The following BMPER variants were observed in gnomAD, a reference collection of about 807,000 sequenced individuals.
BMPER encodes the protein BMP-binding endothelial regulator protein.
Under a neutral mutation model 87.3 loss-of-function variants are expected in BMPER, and 45 were observed. That is an observed-to-expected ratio of 0.52 (90% CI 0.41 to 0.66). The LOEUF (loss-of-function observed/expected upper bound fraction) is 0.66, where lower values mean the gene tolerates loss of function less well. Ranked by LOEUF, BMPER falls within the 30% of genes least tolerant of loss-of-function variation. BMPER has a pLI of 0.00. For synonymous variants in BMPER, 326 were observed against 316.2 expected, an observed-to-expected ratio of 1.03 and a Z score of -0.33; for missense variants, 784 against 867.5, an observed-to-expected ratio of 0.90 and a Z score of 1.21.
intron 13 of BMPER, among the ~76,000 whole-genome samples, chr7:34,129,515 C>T (rs540222962): frequency 5.7e-5 from 8 of 140,728 alleles, no homozygotes; most frequent in African/African-American, 8.1e-5. Flanking sequence ...ACAGCTTAGG[C>T]GACAGAGCGA....
At chr7:34,078,278 T>C (rs146871022) in intron 11 of BMPER, among the ~76,000 whole-genome samples, 2 of 152,338 alleles carry the variant, frequency 1.3e-5, no homozygotes, top group African/African-American at 4.8e-5. Flanking sequence ...TATCTGTAAA[T>C]ATTATTAGCA....
At chr7:33,989,672 G>A (rs62449719) in intron 6 of BMPER, among the ~76,000 whole-genome samples, 14 of 151,998 alleles carry the variant, frequency 9.2e-5, no homozygotes, top group Admixed American at 3.9e-4. Flanking sequence ...TTGGTGTTTT[G>A]GACATGAAGT....
intron 2 of BMPER, among the ~76,000 whole-genome samples, chr7:33,912,982 C>T (rs1783998251): frequency 6.6e-6 from 1 of 152,142 alleles, no homozygotes; most frequent in Non-Finnish European, 1.5e-5. Context: ...TGGCTGGGGA[C>T]CTTTGAGGAG....
chr7:34,131,543 G>A (rs1238914700), intron 13 of BMPER, among the ~76,000 whole-genome samples: 2 of 152,194 alleles, frequency 1.3e-5, no homozygotes, highest in Non-Finnish European at 2.9e-5. Flanking sequence ...ACTGCCTAAT[G>A]TGAAAAAGGC....
At chr7:34,050,267 G>A (rs1412180127) in intron 7 of BMPER, among the ~76,000 whole-genome samples, 1 of 152,178 alleles carries the variant, frequency 6.6e-6, no homozygotes, top group African/African-American at 2.4e-5. Context: ...TAGAGGTAGT[G>A]ACATGGCAAT....
chr7:34,153,052 C>A, intron 14 of BMPER, 40 bp from the exon 15 acceptor site: 1 of 1,611,992 alleles, frequency 6.2e-7, no homozygotes, highest in South Asian at 1.1e-5. Flanking sequence ...TTAATGGGGC[C>A]TTTCTCCATG....
chr7:34,044,612 A>G (rs1330340596), intron 6 of BMPER, among the ~76,000 whole-genome samples: 1 of 152,164 alleles, frequency 6.6e-6, no homozygotes, highest in Non-Finnish European at 1.5e-5. Context: ...TCTAACTTTA[A>G]TATTATGCAG....
At chr7:34,044,563 C>T (rs577841962) in intron 6 of BMPER, among the ~76,000 whole-genome samples, 6 of 152,190 alleles carry the variant, frequency 3.9e-5, no homozygotes, top group Middle Eastern at 3.4e-3. Context: ...GGCCTGGCCA[C>T]GATTCAGGTT....
intron 6 of BMPER, among the ~76,000 whole-genome samples, chr7:34,038,467 A>C (rs1436002051): frequency 6.6e-6 from 1 of 152,216 alleles, no homozygotes; most frequent in Non-Finnish European, 1.5e-5. Context: ...CTGATTCCAG[A>C]CTTCTGACTG....
intron 3 of BMPER, among the ~76,000 whole-genome samples, chr7:33,962,381 T>TG (rs1785294165): frequency 6.6e-6 from 1 of 152,230 alleles, no homozygotes; most frequent in East Asian, 1.9e-4. Flanking sequence ...CATTGTTGTA[T>TG]TATTTTAGAT....
At chr7:33,925,321 G>A (rs1011678588) in intron 2 of BMPER, among the ~76,000 whole-genome samples, 1 of 152,186 alleles carries the variant, frequency 6.6e-6, no homozygotes, top group African/African-American at 2.4e-5. Context: ...TTTCGGTCAT[G>A]ATGACTTGCC....
chr7:34,132,668 C>T (rs148637445), intron 13 of BMPER, among the ~76,000 whole-genome samples: 14 of 152,292 alleles, frequency 9.2e-5, no homozygotes, highest in Middle Eastern at 3.4e-3. Context: ...ATCCCTCTCT[C>T]ATTTCTGGGC....
chr7:34,011,655 C>G (rs1786885465), intron 6 of BMPER, among the ~76,000 whole-genome samples: 3 of 149,778 alleles, frequency 2.0e-5, no homozygotes, highest in Admixed American at 2.0e-4. Flanking sequence ...TACACTGTAC[C>G]TTGAAATTCT....
intron 5 of BMPER, among the ~76,000 whole-genome samples, chr7:33,971,888 G>A (rs185962734): frequency 9.7e-4 from 147 of 152,154 alleles, no homozygotes; most frequent in African/African-American, 3.3e-3. Flanking sequence ...TGAGTAGACT[G>A]TTGCTTTGTT....
At chr7:34,134,929 T>A (rs1352750651) in intron 13 of BMPER, among the ~76,000 whole-genome samples, 1 of 152,156 alleles carries the variant, frequency 6.6e-6, no homozygotes, top group East Asian at 1.9e-4. Context: ...AGGAGGTCTC[T>A]GTGTCCACAG....
At chr7:34,099,649 A>T (rs1789624587) in intron 13 of BMPER, among the ~76,000 whole-genome samples, 1 of 152,188 alleles carries the variant, frequency 6.6e-6, no homozygotes, top group South Asian at 2.1e-4. Context: ...AATTCTTAAG[A>T]TAATACACAT....
At chr7:33,940,828 T>C (rs1158357616) in intron 3 of BMPER, among the ~76,000 whole-genome samples, 1 of 144,586 alleles carries the variant, frequency 6.9e-6, no homozygotes, top group East Asian at 2.0e-4. Context: ...AATTTATATA[T>C]ATTACATATA....
At chr7:34,042,358 T>G (rs1787854454) in intron 6 of BMPER, among the ~76,000 whole-genome samples, 1 of 152,180 alleles carries the variant, frequency 6.6e-6, no homozygotes, top group African/African-American at 2.4e-5. Flanking sequence ...CTAGCATTTC[T>G]TTTCTTGCTG....
chr7:33,980,098 G>A (rs1007068301), intron 6 of BMPER, among the ~76,000 whole-genome samples: 1 of 152,140 alleles, frequency 6.6e-6, no homozygotes, highest in African/African-American at 2.4e-5. Context: ...CAGACCTAAC[G>A]TTTTTAGGTG....
Sources: gnomAD v4.1 joint callset for allele counts (sites outside exome capture counted in the v4.1 genomes callset) on GRCh38, gnomAD v4.1.1 for gene constraint, MANE v1.5 for transcripts, NCBI Gene and HGNC (gene_info 2026-07-23, HGNC 2026-07-21) for gene names.